Variants in NCKAP5 observed in about 807,000 individuals in gnomAD.
The protein encoded by NCKAP5 is NCK associated protein 5.
In NCKAP5, 92 loss-of-function variants were observed where a neutral mutation model predicts 167.0. The ratio of observed to expected loss-of-function variants is 0.55; its 90% CI spans 0.47 to 0.66. NCKAP5 has a LOEUF of 0.66. Ranked by LOEUF, NCKAP5 falls within the 30% of genes least tolerant of loss-of-function variation. NCKAP5 has a pLI of 0.00. For synonymous variants in NCKAP5, 891 were observed against 877.4 expected, an observed-to-expected ratio of 1.02 and a Z score of -0.27; for missense variants, 2,378 against 2,315.0, an observed-to-expected ratio of 1.03 and a Z score of -0.56.
At chr2:132,704,068 G>A (rs543319147) in intron 19 of NCKAP5, among the ~76,000 whole-genome samples, 60 of 152,210 alleles carry the variant, frequency 3.9e-4, no homozygotes, top group African/African-American at 1.4e-3. Flanking sequence ...TGAAACTCAA[G>A]GCCAATTAGC....
chr2:132,910,552 AC>A (rs1694364471), intron 8 of NCKAP5, among the ~76,000 whole-genome samples: 1 of 152,168 alleles, frequency 6.6e-6, no homozygotes, highest in African/African-American at 2.4e-5. Flanking sequence ...ATTTCACTTA[AC>A]ATAATCACCT....
the NCKAP5 span, among the ~76,000 whole-genome samples, chr2:133,637,861 T>C: frequency 3.1e-4 from 47 of 152,254 alleles, no homozygotes; most frequent in East Asian, 8.7e-3. Flanking sequence ...ATTTTTAGAT[T>C]CAGGAAATAG....
chr2:132,747,144 C>A (rs1679715412), intron 16 of NCKAP5, among the ~76,000 whole-genome samples: 2 of 145,986 alleles, frequency 1.4e-5, no homozygotes, highest in African/African-American at 2.5e-5. Context: ...CATGAACCTG[C>A]TTTTAAACAT....
At chr2:132,787,027 T>A (rs1683632046) in intron 13 of NCKAP5, among the ~76,000 whole-genome samples, 1 of 152,008 alleles carries the variant, frequency 6.6e-6, no homozygotes, top group African/African-American at 2.4e-5. Flanking sequence ...ACTTGCAGAG[T>A]TTAGGGGGCT....
chr2:132,775,911 G>A (rs1228840093), intron 15 of NCKAP5, among the ~76,000 whole-genome samples: 1 of 152,110 alleles, frequency 6.6e-6, no homozygotes, highest in African/African-American at 2.4e-5. Context: ...TAAACTCGCA[G>A]GGGTGCCCTC....
chr2:133,213,076 C>T (rs994400928), intron 5 of NCKAP5, among the ~76,000 whole-genome samples: 9 of 152,172 alleles, frequency 5.9e-5, no homozygotes, highest in Non-Finnish European at 1.0e-4. Context: ...AGTTACTCCA[C>T]GCATGCATTC....
intron 3 of NCKAP5, among the ~76,000 whole-genome samples, chr2:133,370,277 G>C (rs1405095127): frequency 6.6e-6 from 1 of 152,172 alleles, no homozygotes; most frequent in African/African-American, 2.4e-5. Context: ...GAAAAGGCAA[G>C]ATTGCATTTA....
At chr2:132,928,227 A>G (rs925620871) in intron 8 of NCKAP5, among the ~76,000 whole-genome samples, 3 of 152,304 alleles carry the variant, frequency 2.0e-5, no homozygotes, top group Middle Eastern at 6.8e-3. Flanking sequence ...TTACAATAAT[A>G]CAATTATCTT....
intron 11 of NCKAP5, among the ~76,000 whole-genome samples, chr2:132,848,773 T>G (rs1463693831): frequency 6.6e-6 from 1 of 152,168 alleles, no homozygotes; most frequent in East Asian, 1.9e-4. Context: ...TGGTGTGGTA[T>G]GATCACACCT....
At chr2:133,572,447 A>C (rs1688900266), upstream of NCKAP5, among the ~76,000 whole-genome samples, 1 of 152,222 alleles carries the variant, frequency 6.6e-6, no homozygotes, top group Non-Finnish European at 1.5e-5. Flanking sequence ...AGACCATGGG[A>C]ATCACACTCA....
the NCKAP5 span, among the ~76,000 whole-genome samples, chr2:133,630,967 G>A: frequency 1.3e-5 from 2 of 152,164 alleles, no homozygotes; most frequent in Non-Finnish European, 2.9e-5. Context: ...ATATGTGAAA[G>A]ATGTTCATTT....
At chr2:133,223,310 A>G (rs1227786368) in intron 4 of NCKAP5, among the ~76,000 whole-genome samples, 1 of 152,164 alleles carries the variant, frequency 6.6e-6, no homozygotes, top group Admixed American at 6.5e-5. Context: ...TCCCAAGAAT[A>G]AGAGCCCGGT....
intron 8 of NCKAP5, among the ~76,000 whole-genome samples, chr2:132,921,738 G>A (rs117335753): frequency 3.3e-5 from 5 of 152,116 alleles, no homozygotes; most frequent in East Asian, 3.9e-4. Context: ...CTTGACTTAC[G>A]AGGAACCTCT....
chr2:133,620,649 A>C, the NCKAP5 span, among the ~76,000 whole-genome samples: 1 of 152,140 alleles, frequency 6.6e-6, no homozygotes, highest in Non-Finnish European at 1.5e-5. Flanking sequence ...AAGAAATAAG[A>C]CAGACAGCAA....
chr2:132,899,239 C>T (rs528788695), intron 8 of NCKAP5, among the ~76,000 whole-genome samples: 24 of 152,356 alleles, frequency 1.6e-4, no homozygotes, highest in African/African-American at 5.0e-4. Context: ...CTACCCTCTA[C>T]TAGCTTCAGA....
intron 8 of NCKAP5, among the ~76,000 whole-genome samples, chr2:132,901,343 G>A (rs1693612334): frequency 6.6e-6 from 1 of 152,152 alleles, no homozygotes; most frequent in Non-Finnish European, 1.5e-5. Context: ...GCTCTGGAGG[G>A]AACATCATCT....
intron 3 of NCKAP5, among the ~76,000 whole-genome samples, chr2:133,459,811 T>C (rs6430420): frequency 0.57 from 87,076 of 152,052 alleles, 25,905 homozygotes; most frequent in East Asian, 0.75. Flanking sequence ...TAACTTCCTG[T>C]TCAGGCGTGG....
chr2:133,286,291 C>T (rs761527991), intron 4 of NCKAP5, among the ~76,000 whole-genome samples: 7 of 152,176 alleles, frequency 4.6e-5, no homozygotes, highest in Non-Finnish European at 8.8e-5. Context: ...ACACCACGCC[C>T]GGCCTCTTCT....
chr2:133,642,270 C>T, the NCKAP5 span, among the ~76,000 whole-genome samples: 1 of 152,114 alleles, frequency 6.6e-6, no homozygotes, highest in Non-Finnish European at 1.5e-5. Context: ...ACAAACACCC[C>T]CCAGTAGGCA....
Sources: gnomAD v4.1 joint callset for allele counts (sites outside exome capture counted in the v4.1 genomes callset) on GRCh38, gnomAD v4.1.1 for gene constraint, MANE v1.5 for transcripts, NCBI Gene and HGNC (gene_info 2026-07-23, HGNC 2026-07-21) for gene names.